The following CTNND2 variants were observed in gnomAD, a reference collection of about 807,000 sequenced individuals.
CTNND2 encodes catenin delta-2.
A neutral mutation model predicts 144.4 loss-of-function variants in CTNND2; 22 were observed. That is an observed-to-expected ratio of 0.15 (90% confidence interval 0.11 to 0.22). The LOEUF (loss-of-function observed/expected upper bound fraction) is 0.22, where lower values mean the gene tolerates loss of function less well. Ranked by LOEUF, CTNND2 falls within the 10% of genes least tolerant of loss-of-function variation. The probability of loss-of-function intolerance (pLI) is 1.00; values close to 1 mark genes in which losing one functional copy is unlikely to be tolerated. For synonymous variants in CTNND2, 751 were observed against 695.6 expected, an observed-to-expected ratio of 1.08 and a Z score of -1.25; for missense variants, 1,353 against 1,618.8, an observed-to-expected ratio of 0.84 and a Z score of 2.82.
At chr5:11,591,899 A>G (rs1326963571) in intron 2 of CTNND2, among the ~76,000 whole-genome samples, 2 of 152,034 alleles carry the variant, frequency 1.3e-5, no homozygotes, top group African/African-American at 4.8e-5. Context: ...TTGCTTGGTA[A>G]CAGATTGGGG....
At chr5:11,534,535 G>A (rs755827902) in intron 3 of CTNND2, among the ~76,000 whole-genome samples, 1 of 152,006 alleles carries the variant, frequency 6.6e-6, no homozygotes, top group Non-Finnish European at 1.5e-5. Context: ...AACCCGGGAG[G>A]TGGAGGCTGC....
At chr5:11,508,273 C>G (rs945164885) in intron 3 of CTNND2, 1 of 152,204 alleles carries the variant, frequency 6.6e-6, no homozygotes, top group African/African-American at 2.4e-5. Context: ...ACGGTTCTCT[C>G]TTCAACACAC....
chr5:11,688,130 G>A (rs1784739420), intron 2 of CTNND2, among the ~76,000 whole-genome samples: 1 of 152,168 alleles, frequency 6.6e-6, no homozygotes, highest in African/African-American at 2.4e-5. Context: ...GAGTGAAGTG[G>A]AAAAGTATAT....
intron 16 of CTNND2, among the ~76,000 whole-genome samples, chr5:11,044,983 G>A (rs1050350626): frequency 6.6e-6 from 1 of 152,212 alleles, no homozygotes; most frequent in Admixed American, 6.5e-5. Context: ...TGCTTCAGTG[G>A]ATTATTACAA....
At chr5:11,770,654 T>C (rs926888510) in intron 1 of CTNND2, among the ~76,000 whole-genome samples, 2 of 152,104 alleles carry the variant, frequency 1.3e-5, no homozygotes, top group African/African-American at 4.8e-5. Context: ...CCATCTGAAT[T>C]TGACCATGCT....
intron 2 of CTNND2, among the ~76,000 whole-genome samples, chr5:11,604,091 TAAG>T (rs1226324076): frequency 6.6e-6 from 1 of 152,196 alleles, no homozygotes; most frequent in African/African-American, 2.4e-5. Flanking sequence ...AGGGTAAAAA[TAAG>T]AACACAGAAA....
chr5:11,492,098 A>G (rs1769443263), intron 3 of CTNND2, among the ~76,000 whole-genome samples: 1 of 152,232 alleles, frequency 6.6e-6, no homozygotes, highest in Non-Finnish European at 1.5e-5. Flanking sequence ...AGCTCATAAC[A>G]CAGAATACTA....
rs1771947396 is a variant in CTNND2, at chr5:11,514,311, A to T, written c.287+50633T>A. Among the ~76,000 whole-genome samples the T allele has an allele frequency of 1.3e-5, 2 of 152,204 alleles. 1 individual carries two copies. The highest frequency in any genetic ancestry group is 4.8e-5 in the African/African-American group (2 of 41,444). ...ATAAAGATTTAAAATAAAGCCTAAT[A>T]CCTGGCTACATATCCAAGGTAATCC... On this transcript the variant is annotated intron_variant, in intron 3 of 21. Transcript: ENST00000304623.
chr5:11,003,927 A>T (rs1018879255), intron 18 of CTNND2, among the ~76,000 whole-genome samples: 2 of 152,202 alleles, frequency 1.3e-5, no homozygotes, highest in Non-Finnish European at 2.9e-5. Context: ...AAGCATAAGG[A>T]TCTTGTGCAA....
At chr5:11,020,422 A>G (rs1396508235) in intron 17 of CTNND2, among the ~76,000 whole-genome samples, 3 of 152,168 alleles carry the variant, frequency 2.0e-5, no homozygotes, top group African/African-American at 7.2e-5. Flanking sequence ...CATTTTATAA[A>G]TAAGCTATGG....
At chr5:11,439,499 A>G (rs150897680) in intron 3 of CTNND2, among the ~76,000 whole-genome samples, 38 of 152,316 alleles carry the variant, frequency 2.5e-4, no homozygotes, top group African/African-American at 8.4e-4. Context: ...TCTTATTAAT[A>G]GTTGGAGTTA....
At chr5:11,565,784 C>T (rs1777041553) in intron 2 of CTNND2, among the ~76,000 whole-genome samples, 1 of 152,188 alleles carries the variant, frequency 6.6e-6, no homozygotes, top group African/African-American at 2.4e-5. Flanking sequence ...GCTGTTCCAA[C>T]AACAGGATTT....
intron 2 of CTNND2, among the ~76,000 whole-genome samples, chr5:11,567,461 A>G (rs984767237): frequency 6.6e-6 from 1 of 152,032 alleles, no homozygotes; most frequent in African/African-American, 2.4e-5. Flanking sequence ...CTTTCCTTCA[A>G]TGACTCCAAT....
chr5:11,112,077 C>T (rs1321218811), intron 13 of CTNND2, among the ~76,000 whole-genome samples: 1 of 152,164 alleles, frequency 6.6e-6, no homozygotes, highest in South Asian at 2.1e-4. Flanking sequence ...TCTCGATCTC[C>T]TGACTTTGTG....
intron 11 of CTNND2, among the ~76,000 whole-genome samples, chr5:11,177,468 A>T (rs1760589977): frequency 6.6e-6 from 1 of 152,194 alleles, no homozygotes; most frequent in Admixed American, 6.5e-5. Context: ...ATTGGCCTAT[A>T]CAAGACTCTA....
At chr5:11,381,668 AAAAAACAAAATATT>A (rs1758490477) in intron 7 of CTNND2, among the ~76,000 whole-genome samples, 1 of 152,196 alleles carries the variant, frequency 6.6e-6, no homozygotes, top group Non-Finnish European at 1.5e-5. Context: ...ACTGGAATCT[AAAAAACAAAATATT>A]GGGGACCAGG....
chr5:11,621,901 T>C (rs1780863002), intron 2 of CTNND2, among the ~76,000 whole-genome samples: 1 of 152,218 alleles, frequency 6.6e-6, no homozygotes, highest in Admixed American at 6.5e-5. Flanking sequence ...CTTGAAGCAC[T>C]TTCCTTCCCT....
At chr5:11,333,531 A>T (rs1753401952) in intron 9 of CTNND2, among the ~76,000 whole-genome samples, 1 of 152,204 alleles carries the variant, frequency 6.6e-6, no homozygotes, top group South Asian at 2.1e-4. Flanking sequence ...AGATGATATT[A>T]GAGGGAAAGA....
In CTNND2 at chr5:11,859,657, A is replaced by C. The variant is rs144372082; in HGVS notation, c.37+44160T>G. 3.9e-5 allele frequency among the ~76,000 whole-genome samples: 6 copies of C among 152,270 alleles called. No homozygotes were observed. The East Asian group carries it at 1.2e-3, about 29-fold the overall frequency. ...TTCTTACCCTTAATAACTGCTGTTC[A>C]TCTATGAGAGCCACCTACATGCCTG... On this transcript the variant is annotated intron_variant, in intron 1 of 21. Transcript: ENST00000304623.
Sources: gnomAD v4.1 joint callset for allele counts (sites outside exome capture counted in the v4.1 genomes callset) on GRCh38, gnomAD v4.1.1 for gene constraint, MANE v1.5 for transcripts, NCBI Gene and HGNC (gene_info 2026-07-23, HGNC 2026-07-21) for gene names.